RFFL: variants seen among roughly 807,000 people sequenced by gnomAD.
The protein encoded by RFFL is E3 ubiquitin-protein ligase rififylin.
In RFFL, 16 loss-of-function variants were observed where a neutral mutation model predicts 40.4. The ratio of observed to expected loss-of-function variants is 0.40; its 90% CI spans 0.27 to 0.60. The LOEUF (loss-of-function observed/expected upper bound fraction) is 0.60. Ranked by LOEUF, RFFL falls within the 20% of genes least tolerant of loss-of-function variation. The pLI, the probability that RFFL is intolerant of heterozygous loss-of-function variation, is 0.47. For synonymous variants in RFFL, 154 were observed against 167.9 expected (o/e 0.92, Z 0.64); for missense variants, 367 against 451.7 (o/e 0.81, Z 1.70).
rs1052853574 is a variant in RFFL, at chr17:35,007,296, GTTTT to G, written c.*4668_*4671del. ...TGTTATTGCCATTTCAATGTCAGTG[GTTTT>G]TTATGTATTTTCTTCCAGTCTTTGC... is the stretch of plus-strand genomic sequence containing the variant. On this transcript the variant is annotated 3_prime_UTR_variant, in exon 7 of 7. Transcript: ENST00000394597. 6.6e-6 allele frequency: 1 copy of G among 152,226 alleles called. No individual in the cohort carries two copies. The highest frequency in any genetic ancestry group is 1.9e-4 in the East Asian group (1 of 5,200). The allele number at this position is 152,226 out of a possible 1,614,324, so 9.4% of individuals were successfully genotyped here.
intron 1 of RFFL, among the ~76,000 whole-genome samples, chr17:35,032,325 G>A (rs1007589760): frequency 1.3e-5 from 2 of 151,990 alleles, no homozygotes; most frequent in Admixed American, 6.6e-5. Context: ...GGACAGATCA[G>A]CAAGGGGCCA....
intron 1 of RFFL, among the ~76,000 whole-genome samples, chr17:35,061,617 G>A (rs1004834338): frequency 2.0e-5 from 3 of 150,842 alleles, no homozygotes; most frequent in Non-Finnish European, 2.9e-5. Context: ...GCCACCATGC[G>A]TGGCGTGCCT....
chr17:35,023,760 C>G (rs979076547), intron 2 of RFFL, among the ~76,000 whole-genome samples: 3 of 152,216 alleles, frequency 2.0e-5, no homozygotes, highest in Non-Finnish European at 2.9e-5. Context: ...AAACAACTCT[C>G]TATTCTTTCT....
chr17:35,014,803 T>C (rs372589047), intron 5 of RFFL, 40 bp from the exon 6 acceptor site: 3 of 1,598,404 alleles, frequency 1.9e-6, no homozygotes, highest in Non-Finnish European at 2.6e-6. Context: ...AGGTAAGGCA[T>C]GATGGTACAA....
rs1005111435 is a variant in RFFL, at chr17:35,007,714, T to A, written c.*4254A>T. 1.3e-5 allele frequency: 2 copies of A among 151,934 alleles called. No homozygotes were observed. The highest frequency in any genetic ancestry group is 2.1e-4 in the South Asian group (1 of 4,806). The allele number at this position is 151,934 out of a possible 1,614,324, so 9.4% of individuals were successfully genotyped here. A position where few individuals can be genotyped will look rare whatever the true frequency, so the allele number is the denominator to read the frequency against. ...GTACAAGCCTGCGCACACACAGCAG[T>A]CTGTCACGAGGCTGGGCCAACCTTT... On this transcript the variant is annotated 3_prime_UTR_variant, in exon 7 of 7. Transcript: ENST00000394597.
intron 1 of RFFL, among the ~76,000 whole-genome samples, chr17:35,045,020 A>G (rs2091190272): frequency 6.6e-6 from 1 of 152,058 alleles, no homozygotes; most frequent in Non-Finnish European, 1.5e-5. Flanking sequence ...TACAGGTGTG[A>G]GCCACCATGC....
At chr17:35,026,247 G>A in intron 2 of RFFL, 127 bp downstream of exon 2, 2 of 881,132 alleles carry the variant, frequency 2.3e-6, no homozygotes, top group South Asian at 3.6e-5. Context: ...TTTTGTGAAA[G>A]GGACAGCTCT....
intron 1 of RFFL, among the ~76,000 whole-genome samples, chr17:35,061,545 C>A (rs752876783): frequency 5.3e-5 from 8 of 152,126 alleles, no homozygotes; most frequent in Non-Finnish European, 1.0e-4. Flanking sequence ...GAAACCTCCA[C>A]CTCCTGGGTG....
At chr17:35,038,116 C>T (rs1439693657) in intron 1 of RFFL, among the ~76,000 whole-genome samples, 1 of 151,872 alleles carries the variant, frequency 6.6e-6, no homozygotes, top group African/African-American at 2.4e-5. Flanking sequence ...GGTGAAACCC[C>T]GTCTCTACTA....
chr17:35,057,986 T>C (rs965493400), intron 1 of RFFL, among the ~76,000 whole-genome samples: 6 of 151,916 alleles, frequency 3.9e-5, no homozygotes, highest in Middle Eastern at 6.8e-3. Flanking sequence ...AAATATTGAA[T>C]TATGAACTAA....
chr17:35,060,791 G>A (rs1448017199), intron 1 of RFFL, among the ~76,000 whole-genome samples: 2 of 152,150 alleles, frequency 1.3e-5, no homozygotes, highest in African/African-American at 4.8e-5. Flanking sequence ...TGAGCCCGGA[G>A]ATCCACGTCA....
intron 1 of RFFL, among the ~76,000 whole-genome samples, chr17:35,042,669 C>CA (rs578067735): frequency 6.6e-6 from 1 of 151,482 alleles, no homozygotes; most frequent in African/African-American, 2.4e-5. Flanking sequence ...GCTAAAAATA[C>CA]AAAAAATTAG....
At chr17:35,059,164 GC>G (rs1487467242) in intron 1 of RFFL, among the ~76,000 whole-genome samples, 4 of 151,608 alleles carry the variant, frequency 2.6e-5, no homozygotes, top group African/African-American at 9.7e-5. Flanking sequence ...GATTACAGGT[GC>G]CCACCACCAT....
intron 1 of RFFL, among the ~76,000 whole-genome samples, chr17:35,028,309 C>T (rs1370591437): frequency 6.6e-6 from 1 of 151,976 alleles, no homozygotes; most frequent in Non-Finnish European, 1.5e-5. Context: ...CACAACTACA[C>T]TCCAGCCTGG....
chr17:35,012,116 A>G lies in RFFL; in HGVS notation c.944T>C (p.Leu315Pro). ...GGGTGAGTCCATGCAGATCTTACAC[A>G]GGTTCTCCTCCAAGCCTGATGGTAC... ...GAVPSGLEEN[L>P]CKICMDSPID... The change falls in exon 7 of 7, where the codon CTG (leucine) becomes CCG (proline). Residue 315 changes from leucine to proline, a missense_variant. Coordinates refer to ENST00000394597, the MANE Select transcript of RFFL (RefSeq NM_001017368.2). 1.2e-6 allele frequency: 2 copies of G among 1,614,160 alleles called. No homozygotes were observed. The highest frequency in any genetic ancestry group is 1.7e-6 in the Non-Finnish European group (2 of 1,180,020).
intron 1 of RFFL, among the ~76,000 whole-genome samples, chr17:35,047,645 G>A (rs1340252368): frequency 2.6e-5 from 4 of 152,108 alleles, no homozygotes; most frequent in Admixed American, 2.0e-4. Flanking sequence ...CTGGAGTGCA[G>A]TGGCATGGTC....
chr17:35,077,054 T>C, intron 1 of RFFL: 1 of 216,466 alleles, frequency 4.6e-6, no homozygotes, highest in Non-Finnish European at 9.6e-6. Context: ...TTTTTAAAAA[T>C]AAAAATAAAA....
rs35426973 is a variant in RFFL at position 35,014,742 on chromosome 17, T to C, written c.908A>G (p.Asn303Ser). 1.7e-5 allele frequency: 28 copies of C among 1,613,460 alleles called. No individual in the cohort carries two copies. In the African/African-American group the frequency reaches 3.7e-4, roughly 22 times the overall value. ...QHLVSGAEDQNGGAVPSGLEE... is the reference protein window; with the variant it reads ...QHLVSGAEDQSGGAVPSGLEE... ...CCCAAACAGAAACAACTACATACCG[T>C]TTTGGTCTTCGGCACCACTGACTGA... Residue 303 changes from asparagine (N) to serine (S), a missense_variant and splice_region_variant, in exon 6 of 7, where the codon AAC (asparagine) becomes AGC (serine). Transcript: ENST00000394597.
chr17:35,013,035 G>A (rs750311896), intron 6 of RFFL, among the ~76,000 whole-genome samples: 2 of 152,214 alleles, frequency 1.3e-5, no homozygotes, highest in Non-Finnish European at 2.9e-5. Context: ...AATGCTTACC[G>A]TGTGCCAGGC....
Sources: gnomAD v4.1 joint callset for allele counts (sites outside exome capture counted in the v4.1 genomes callset) on GRCh38, gnomAD v4.1.1 for gene constraint, MANE v1.5 for transcripts, NCBI Gene and HGNC (gene_info 2026-07-23, HGNC 2026-07-21) for gene names.